Variants in MCMBP observed in about 807,000 individuals in gnomAD.
MCMBP encodes the protein minichromosome maintenance complex binding protein, also known as mini-chromosome maintenance complex-binding protein.
Under a neutral mutation model 81.3 loss-of-function variants are expected in MCMBP, and 31 were observed. The ratio of observed to expected loss-of-function variants is 0.38; its 90% confidence interval spans 0.29 to 0.51. The LOEUF is 0.51. Among genes scored for constraint, MCMBP ranks in the 20% least tolerant of loss-of-function variants. The pLI, the probability that MCMBP is intolerant of heterozygous loss-of-function variation, is 0.87. For synonymous variants in MCMBP, 267 were observed against 275.9 expected (o/e 0.97, Z 0.32); for missense variants, 645 against 772.1 (o/e 0.84, Z 1.95).
chr10:119,847,720 A>C lies in MCMBP; in HGVS notation c.727-7T>G. On this transcript the variant is annotated splice_polypyrimidine_tract_variant and splice_region_variant and intron_variant, in intron 7 of 15. Coordinates refer to ENST00000369077, the MANE Select transcript of MCMBP (RefSeq NM_001256378.2). ...AATCCCAATCTTCATAAACCTAACAAGAGACCACATGAAATCACACTGTTA... is the reference window on the plus strand; with the variant it reads ...AATCCCAATCTTCATAAACCTAACACGAGACCACATGAAATCACACTGTTA... 6.5e-7 allele frequency: 1 copy of C among 1,533,382 alleles called. No homozygotes were observed. 95.0% of individuals were successfully genotyped at this position (1,533,382 alleles called of 1,614,324 possible). A position where few individuals can be genotyped will look rare whatever the true frequency, so the allele number is the denominator to read the frequency against.
intron 6 of MCMBP, among the ~76,000 whole-genome samples, chr10:119,849,987 A>G (rs1852750739): frequency 6.6e-6 from 1 of 152,196 alleles, no homozygotes; most frequent in Non-Finnish European, 1.5e-5. Context: ...TACAGCAATA[A>G]ATTAATTTAC....
intron 10 of MCMBP, among the ~76,000 whole-genome samples, chr10:119,842,097 C>G (rs565315946): frequency 6.6e-6 from 1 of 152,152 alleles, no homozygotes; most frequent in Non-Finnish European, 1.5e-5. Flanking sequence ...AACTGCACAT[C>G]TGTGTGTTCC....
chr10:119,869,719 G>A (rs946574876), intron 1 of MCMBP, among the ~76,000 whole-genome samples: 2 of 152,000 alleles, frequency 1.3e-5, no homozygotes, highest in African/African-American at 4.8e-5. Context: ...TGACAAGAAC[G>A]AAACTCCATC....
At chr10:119,836,177 CAG>C (rs1423481797) in intron 13 of MCMBP, among the ~76,000 whole-genome samples, 1 of 152,234 alleles carries the variant, frequency 6.6e-6, no homozygotes, top group Non-Finnish European at 1.5e-5. Flanking sequence ...ATAACTACCT[CAG>C]AAATAATTAT....
At chr10:119,835,058 C>A (rs1282430663) in intron 14 of MCMBP, among the ~76,000 whole-genome samples, 1 of 152,000 alleles carries the variant, frequency 6.6e-6, no homozygotes, top group Non-Finnish European at 1.5e-5. Context: ...CCATTTCTAA[C>A]TTTTTTCTCT....
At chr10:119,855,990 C>G (rs945275754) in intron 5 of MCMBP, among the ~76,000 whole-genome samples, 1 of 151,946 alleles carries the variant, frequency 6.6e-6, no homozygotes, top group Non-Finnish European at 1.5e-5. Flanking sequence ...TTTGAGAGGC[C>G]GAGGCAGGCA....
chr10:119,860,945 T>C lies in MCMBP; in HGVS notation c.59-1061A>G, dbSNP rs1001427675. Among the ~76,000 whole-genome samples, 5 of 152,270 alleles carry C rather than the reference T, an allele frequency of 3.3e-5. No individual in the cohort carries two copies. The East Asian group carries it at 9.6e-4, about 29-fold the overall frequency. The stretch of plus-strand genomic sequence containing the variant: ...CCAAAGTGACAGCCAATTACTCTAC[T>C]GTGTAGTTACTATTTACTCCTTACA... On this transcript the variant is annotated intron_variant, in intron 1 of 15. Coordinates refer to ENST00000369077, the MANE Select transcript of MCMBP (RefSeq NM_001256378.2).
At chr10:119,845,038 T>G (rs1169747394) in intron 8 of MCMBP, among the ~76,000 whole-genome samples, 1 of 152,208 alleles carries the variant, frequency 6.6e-6, no homozygotes, top group Non-Finnish European at 1.5e-5. Flanking sequence ...CTCCCCTTCA[T>G]ATATTCATCT....
At chr10:119,867,537 C>T (rs1853515312) in intron 1 of MCMBP, among the ~76,000 whole-genome samples, 2 of 152,062 alleles carry the variant, frequency 1.3e-5, no homozygotes, top group Non-Finnish European at 2.9e-5. Flanking sequence ...GCCATGGCCA[C>T]AGATGACTGA....
At chr10:119,853,654 G>A (rs897942432) in intron 5 of MCMBP, among the ~76,000 whole-genome samples, 4 of 152,184 alleles carry the variant, frequency 2.6e-5, no homozygotes, top group Admixed American at 6.5e-5. Context: ...AAGTAGTTAC[G>A]GATAAAAGAC....
chr10:119,861,770 T>C (rs532599062), intron 1 of MCMBP, among the ~76,000 whole-genome samples: 1 of 152,268 alleles, frequency 6.6e-6, no homozygotes, highest in Admixed American at 6.5e-5. Context: ...GGGTGTTGTG[T>C]TGCTTTGTCA....
intron 1 of MCMBP, among the ~76,000 whole-genome samples, chr10:119,867,474 G>A (rs1210629783): frequency 6.6e-6 from 1 of 151,824 alleles, no homozygotes; most frequent in South Asian, 2.1e-4. Flanking sequence ...CTTTGAGAAC[G>A]CCCCCAATGT....
At chr10:119,831,769 G>A (rs765805672) in intron 15 of MCMBP, among the ~76,000 whole-genome samples, 169 bp from the exon 16 acceptor site, 3 of 152,202 alleles carry the variant, frequency 2.0e-5, no homozygotes, top group Non-Finnish European at 4.4e-5. Context: ...AAAAGAAATC[G>A]TTGAAGAGTC....
intron 6 of MCMBP, 102 bp downstream of exon 6, chr10:119,852,941 ATAAATTG>A (rs1308077262): frequency 7.5e-7 from 1 of 1,337,764 alleles, no homozygotes; most frequent in East Asian, 2.3e-5. Flanking sequence ...TGTAACTCTG[ATAAATTG>A]CCAGCTCCTA....
Position 119,839,448 on chromosome 10 carries a change from G to C in MCMBP, c.1243-748C>G, listed in dbSNP as rs59870326. ...TAAGATATATTGCGAAAATTTAGAG[G>C]AGTTTTGTGTATTACCTCAGTGATT... On this transcript the variant is annotated intron_variant, in intron 11 of 15. Coordinates refer to ENST00000369077, the MANE Select transcript of MCMBP (RefSeq NM_001256378.2). 6.7e-3 allele frequency among the ~76,000 whole-genome samples: 1,021 copies of C among 152,182 alleles called. 11 individuals carry two copies. Among genetic ancestry groups the C allele is most frequent in the African/African-American group, 0.024 (979 of 41,540 alleles).
At chr10:119,867,999 T>C (rs1322657454) in intron 1 of MCMBP, among the ~76,000 whole-genome samples, 2 of 152,240 alleles carry the variant, frequency 1.3e-5, no homozygotes, top group Non-Finnish European at 2.9e-5. Flanking sequence ...AGTGATAAAA[T>C]AGTCTGCTCT....
chr10:119,847,787 T>C (rs1852669070), intron 7 of MCMBP, 74 bp from the exon 8 acceptor site: 1 of 767,242 alleles, frequency 1.3e-6, no homozygotes, highest in South Asian at 2.0e-5. Context: ...GAAGTACCAA[T>C]ATCTTGGAAT....
Position 119,842,465 on chromosome 10 carries a change from C to T in MCMBP, c.1124+7G>A, listed in dbSNP as rs7088166. On this transcript the variant is annotated splice_region_variant and intron_variant, in intron 10 of 15. Coordinates refer to ENST00000369077, the MANE Select transcript of MCMBP (RefSeq NM_001256378.2). ...TCCCCTAATTCCCACCAGGATACAG[C>T]ACTTACACTGTGGAGATGAGATGTA... 1 of 1,611,078 alleles carries T rather than the reference C, an allele frequency of 6.2e-7. No homozygotes were observed. The highest frequency in any genetic ancestry group is 1.1e-5 in the South Asian group (1 of 90,654).
At chr10:119,841,064 A>C in intron 10 of MCMBP, 104 bp from the exon 11 acceptor site, 1 of 735,098 alleles carries the variant, frequency 1.4e-6, no homozygotes, top group Non-Finnish European at 2.3e-6. Context: ...ATTAAAAATA[A>C]ACCAGAATAT....
Sources: gnomAD v4.1 joint callset for allele counts (sites outside exome capture counted in the v4.1 genomes callset) on GRCh38, gnomAD v4.1.1 for gene constraint, MANE v1.5 for transcripts, NCBI Gene and HGNC (gene_info 2026-07-23, HGNC 2026-07-21) for gene names.